The following SGK1 variants were observed in gnomAD, a reference collection of about 807,000 sequenced individuals.
The protein encoded by SGK1 is serum/glucocorticoid regulated kinase 1, also known as serine/threonine-protein kinase Sgk1.
A neutral mutation model predicts 64.2 loss-of-function variants in SGK1; 26 were observed. That is an observed-to-expected ratio of 0.40 (90% CI 0.30 to 0.56). The LOEUF is 0.56. SGK1 is among the 20% of genes least tolerant of loss of function. The pLI is 0.38. For synonymous variants in SGK1, 265 were observed against 239.7 expected (o/e 1.11, Z -0.98); for missense variants, 519 against 645.6 (o/e 0.80, Z 2.12).
chr6:134,201,740 T>A (rs1775688219), intron 3 of SGK1, among the ~76,000 whole-genome samples: 1 of 152,170 alleles, frequency 6.6e-6, no homozygotes, highest in Non-Finnish European at 1.5e-5. Flanking sequence ...CAACCATGAC[T>A]AGAACATGGC....
intron 1 of SGK1, among the ~76,000 whole-genome samples, chr6:134,266,061 G>A (rs1776850687): frequency 6.6e-6 from 1 of 151,970 alleles, no homozygotes; most frequent in Admixed American, 6.6e-5. Flanking sequence ...TCAGCTCACT[G>A]CAGCCTCCTC....
intron 1 of SGK1, among the ~76,000 whole-genome samples, chr6:134,280,965 G>A (rs538419374): frequency 6.6e-6 from 1 of 152,222 alleles, no homozygotes; most frequent in South Asian, 2.1e-4. Flanking sequence ...GCTACTTGAG[G>A]GCTGAGGCAG....
intron 1 of SGK1, among the ~76,000 whole-genome samples, chr6:134,263,516 C>G (rs1776799822): frequency 6.6e-6 from 1 of 152,030 alleles, no homozygotes; most frequent in Non-Finnish European, 1.5e-5. Flanking sequence ...AGGCATGAGC[C>G]ACTGAATCCG....
At chr6:134,247,695 C>T (rs1482254314) in intron 2 of SGK1, among the ~76,000 whole-genome samples, 3 of 152,096 alleles carry the variant, frequency 2.0e-5, no homozygotes, top group African/African-American at 7.2e-5. Flanking sequence ...TGCCTGAGAC[C>T]CATGAGTCAT....
chr6:134,294,744 A>T (rs1582769216), intron 1 of SGK1, among the ~76,000 whole-genome samples: 1 of 151,950 alleles, frequency 6.6e-6, no homozygotes, highest in Admixed American at 6.6e-5. Context: ...CACCATGTTG[A>T]CCAGGCTGGT....
chr6:134,276,548 C>T (rs1189820489), intron 1 of SGK1, among the ~76,000 whole-genome samples: 5 of 152,138 alleles, frequency 3.3e-5, no homozygotes, highest in Non-Finnish European at 7.4e-5. Context: ...CCTTAACTCA[C>T]AGGGAGGGTA....
At chr6:134,253,676 A>G (rs981190155) in intron 2 of SGK1, among the ~76,000 whole-genome samples, 1 of 152,114 alleles carries the variant, frequency 6.6e-6, no homozygotes, top group Non-Finnish European at 1.5e-5. Context: ...ATTTTTTTCT[A>G]CAGTGCCCCT....
chr6:134,299,106 C>T (rs1318407712), intron 1 of SGK1, among the ~76,000 whole-genome samples: 1 of 151,168 alleles, frequency 6.6e-6, no homozygotes, highest in Non-Finnish European at 1.5e-5. Flanking sequence ...GCTCTCAGCT[C>T]TTAATTTAAT....
chr6:134,220,963 C>T (rs924852003), intron 2 of SGK1, among the ~76,000 whole-genome samples: 1 of 144,234 alleles, frequency 6.9e-6, no homozygotes, highest in Non-Finnish European at 1.5e-5. Context: ...GCCTGATCAA[C>T]AGAGTGAGAC....
chr6:134,220,058 C>CAAAAAAAAAAAAAAAAAAAAAAAA (rs55870107), intron 2 of SGK1, among the ~76,000 whole-genome samples: 7 of 61,350 alleles, frequency 1.1e-4, no homozygotes, highest in Non-Finnish European at 1.8e-4. Flanking sequence ...GACTCCGTCT[C>CAAAAAAAAAAAAAAAAAAAAAAAA]AAAAAAAAAA....
chr6:134,246,585 T>C (rs1259228975), intron 2 of SGK1, among the ~76,000 whole-genome samples: 2 of 152,090 alleles, frequency 1.3e-5, no homozygotes, highest in African/African-American at 2.4e-5. Flanking sequence ...AAGTTTGTAT[T>C]TGTATTTGTA....
At chr6:134,194,666 C>G (rs1775570455) in intron 3 of SGK1, among the ~76,000 whole-genome samples, 1 of 151,934 alleles carries the variant, frequency 6.6e-6, no homozygotes, top group Admixed American at 6.6e-5. Flanking sequence ...GGATTACAGG[C>G]GCACACCACC....
intron 1 of SGK1, among the ~76,000 whole-genome samples, chr6:134,282,447 T>A (rs1246692973): frequency 1.3e-5 from 2 of 151,892 alleles, no homozygotes; most frequent in African/African-American, 2.4e-5. Flanking sequence ...AGGTCAGGAG[T>A]TCGAGACCAG....
At chr6:134,174,234 A>G (rs534563153) in intron 4 of SGK1, 154 bp from the exon 5 acceptor site, 1 of 619,832 alleles carries the variant, frequency 1.6e-6, no homozygotes, top group East Asian at 2.8e-5. Context: ...AAAGAAAATA[A>G]TAAACCCCAT....
At chr6:134,248,697 C>T (rs1776562291) in intron 2 of SGK1, among the ~76,000 whole-genome samples, 1 of 152,058 alleles carries the variant, frequency 6.6e-6, no homozygotes, top group Admixed American at 6.6e-5. Flanking sequence ...GCCTTATTTA[C>T]AGGTTTTGTC....
intron 1 of SGK1, among the ~76,000 whole-genome samples, chr6:134,309,947 G>A (rs1167478908): frequency 1.3e-5 from 2 of 151,926 alleles, no homozygotes; most frequent in Non-Finnish European, 1.5e-5. Context: ...TTGCTCTAGC[G>A]AACTATCTTT....
chr6:134,215,134 C>CTTTCT (rs569795606), intron 2 of SGK1: 41,261 of 371,450 alleles, frequency 0.11, 483 homozygotes, highest in South Asian at 0.17. Context: ...TTCTTTCTTT[C>CTTTCT]TTTTTTTTTT....
intron 2 of SGK1, among the ~76,000 whole-genome samples, chr6:134,225,270 G>A (rs193145116): frequency 6.0e-5 from 9 of 149,024 alleles, no homozygotes; most frequent in Middle Eastern, 3.4e-3. Flanking sequence ...AGAATCACTG[G>A]AACCAGGGAG....
chr6:134,223,781 G>A (rs1356655666), intron 2 of SGK1, among the ~76,000 whole-genome samples: 1 of 152,166 alleles, frequency 6.6e-6, no homozygotes, highest in Non-Finnish European at 1.5e-5. Flanking sequence ...GTTAACAAAC[G>A]CATGGTTTCT....
Sources: gnomAD v4.1 joint callset for allele counts (sites outside exome capture counted in the v4.1 genomes callset) on GRCh38, gnomAD v4.1.1 for gene constraint, MANE v1.5 for transcripts, NCBI Gene and HGNC (gene_info 2026-07-23, HGNC 2026-07-21) for gene names.